The following UNC79 variants were observed in gnomAD, a reference collection of about 807,000 sequenced individuals.
UNC79 encodes unc-79 subunit of NALCN channel complex, also known as protein unc-79 homolog.
A neutral mutation model predicts 283.1 loss-of-function variants in UNC79; 37 were observed. The observed-to-expected ratio is 0.13, with a 90% CI of 0.10 to 0.17. UNC79 has a LOEUF of 0.17. Ranked by LOEUF, UNC79 falls within the 10% of genes least tolerant of loss-of-function variation. The pLI, the probability that UNC79 is intolerant of heterozygous loss-of-function variation, is 1.00. For synonymous variants in UNC79, 1,107 were observed against 1,200.2 expected, an observed-to-expected ratio of 0.92 and a Z score of 1.61; for missense variants, 2,272 against 3,211.1, an observed-to-expected ratio of 0.71 and a Z score of 7.07.
intron 1 of UNC79, among the ~76,000 whole-genome samples, chr14:93,357,043 T>C (rs2054100202): frequency 6.6e-6 from 1 of 152,208 alleles, no homozygotes; most frequent in Non-Finnish European, 1.5e-5. Context: ...CCAGTGTTTC[T>C]TGTTCCTTTG....
At chr14:93,455,807 T>G (rs1344528202) in intron 1 of UNC79, among the ~76,000 whole-genome samples, 1 of 152,192 alleles carries the variant, frequency 6.6e-6, no homozygotes, top group South Asian at 2.1e-4. Flanking sequence ...TTCATGACTT[T>G]ATCCACGTTC....
intron 1 of UNC79, among the ~76,000 whole-genome samples, chr14:93,377,888 T>TTC (rs1453732658): frequency 2.0e-5 from 3 of 152,196 alleles, no homozygotes; most frequent in Non-Finnish European, 2.9e-5. Flanking sequence ...ACATACAGCT[T>TTC]TCATAGCAGG....
chr14:93,595,789 T>A (rs114450994), intron 23 of UNC79, among the ~76,000 whole-genome samples: 2,968 of 152,284 alleles, frequency 0.019, 94 homozygotes, highest in African/African-American at 0.068. Flanking sequence ...AAAGTCATAT[T>A]TCAGCTATAG....
chr14:93,659,528 A>C (rs983514402), intron 39 of UNC79, among the ~76,000 whole-genome samples: 2 of 152,254 alleles, frequency 1.3e-5, no homozygotes, highest in Middle Eastern at 3.4e-3. Flanking sequence ...CGATCCTTCT[A>C]AACAGGATCT....
intron 40 of UNC79, among the ~76,000 whole-genome samples, chr14:93,664,911 C>A (rs1203531110): frequency 1.3e-5 from 2 of 152,028 alleles, no homozygotes; most frequent in African/African-American, 4.8e-5. Context: ...TCCTAATGAA[C>A]ATGAGCTCAT....
chr14:93,410,631 G>T (rs139685834), intron 1 of UNC79, among the ~76,000 whole-genome samples: 1 of 152,176 alleles, frequency 6.6e-6, no homozygotes, highest in African/African-American at 2.4e-5. Flanking sequence ...CTCAGCCACA[G>T]TAGAATAGGA....
chr14:93,652,718 A>C (rs1433565928), intron 35 of UNC79, among the ~76,000 whole-genome samples: 2 of 152,210 alleles, frequency 1.3e-5, no homozygotes, highest in Admixed American at 6.5e-5. Flanking sequence ...AATAAACTCT[A>C]CTTGGTCATG....
At position 93,563,567 on chromosome 14, in the gene UNC79, G is replaced by C. The variant is rs576112062; in HGVS notation, c.1756-8327G>C. On this transcript the variant is annotated intron_variant, in intron 14 of 48. Coordinates refer to ENST00000555664, the Ensembl canonical transcript of UNC79. The stretch of plus-strand genomic sequence containing the variant: ...TCGGCTTGCTGAGAGGTAGTGCAGC[G>C]GGGGCAGAGCAGTAGCCTCAATGAT... 5.3e-4 allele frequency among the ~76,000 whole-genome samples: 80 copies of C among 152,196 alleles called. No homozygotes were observed. The South Asian group carries it at 8.3e-3, about 16-fold the overall frequency.
intron 1 of UNC79, among the ~76,000 whole-genome samples, chr14:93,366,233 C>T (rs184957620): frequency 2.9e-4 from 44 of 152,302 alleles, no homozygotes; most frequent in Admixed American, 1.4e-3. Flanking sequence ...AGAAAATGTT[C>T]CTTCCCTTCC....
intron 41 of UNC79, among the ~76,000 whole-genome samples, chr14:93,677,726 T>C (rs2073467770): frequency 6.6e-6 from 1 of 152,138 alleles, no homozygotes. Context: ...CTCAGCTCAC[T>C]GCAACCTCCA....
At chr14:93,380,907 T>G (rs1350609023) in intron 1 of UNC79, among the ~76,000 whole-genome samples, 2 of 152,108 alleles carry the variant, frequency 1.3e-5, no homozygotes, top group Non-Finnish European at 2.9e-5. Context: ...AGTTTCTGAG[T>G]TTTTGAGAGC....
chr14:93,348,009 G>C, intron 1 of UNC79: 1 of 1,508,810 alleles, frequency 6.6e-7, no homozygotes, highest in Non-Finnish European at 9.2e-7. Context: ...TCAGCAGCGC[G>C]TGTCATCTTC....
chr14:93,474,059 G>T lies in UNC79; in HGVS notation c.144-30G>T. Reference sequence around the variant, plus strand: ...ATGTGCTGTTCTTTGTGTCTTTGTTGTCTCTTTTTTTTCTTTGTCCCCCCA... The same window carrying T: ...ATGTGCTGTTCTTTGTGTCTTTGTTTTCTCTTTTTTTTCTTTGTCCCCCCA... On this transcript the variant is annotated intron_variant, in intron 2 of 48. Transcript: ENST00000555664. This position sits in a 1 kb window ranked among gnomAD's most constrained non-coding sequence, Gnocchi z 4.1. The T allele has an allele frequency of 1.3e-6, 2 of 1,503,230 alleles. No individual in the cohort carries two copies. Among genetic ancestry groups the T allele is most frequent in the Non-Finnish European group, 1.8e-6 (2 of 1,128,956 alleles). The allele number at this position is 1,503,230 out of a possible 1,614,324, so 93.1% of individuals were successfully genotyped here. A position where few individuals can be genotyped will look rare whatever the true frequency, so the allele number is the denominator to read the frequency against.
chr14:93,646,723 T>C (rs1030851793), intron 35 of UNC79, 77 bp downstream of exon 38: 10 of 1,538,968 alleles, frequency 6.5e-6, no homozygotes, highest in Non-Finnish European at 8.9e-6. Context: ...AAAACACCAG[T>C]GTGGGGCTGG....
At chr14:93,414,361 G>T (rs796079387) in intron 1 of UNC79, among the ~76,000 whole-genome samples, 3 of 152,030 alleles carry the variant, frequency 2.0e-5, no homozygotes, top group East Asian at 3.9e-4. Context: ...ATTTCTGAGG[G>T]CTCTGTTCTG....
intron 1 of UNC79, among the ~76,000 whole-genome samples, chr14:93,402,443 G>GA (rs1158986352): frequency 6.7e-6 from 1 of 150,280 alleles, no homozygotes; most frequent in African/African-American, 2.5e-5. Context: ...GCATAAGGAG[G>GA]AAAAAATTAT....
At chr14:93,351,143 A>C (rs975368193) in intron 1 of UNC79, among the ~76,000 whole-genome samples, 1 of 152,212 alleles carries the variant, frequency 6.6e-6, no homozygotes, top group Admixed American at 6.5e-5. Context: ...ATTACACTGC[A>C]GGAAGTTTTC....
chr14:93,477,554 G>A lies in UNC79; in HGVS notation c.449-4G>A, dbSNP rs1267414981. 2 of 1,569,942 alleles carry A rather than the reference G, an allele frequency of 1.3e-6. No individual in the cohort carries two copies. Among genetic ancestry groups the A allele is most frequent in the African/African-American group, 2.7e-5 (2 of 73,532 alleles). On this transcript the variant is annotated splice_region_variant and splice_polypyrimidine_tract_variant and intron_variant, in intron 3 of 48. Transcript: ENST00000555664. ...GTGACTGATTACTCAATTTTGTTTT[G>A]TAGATCTTGGACAGTCGATATTTTA...
intron 10 of UNC79, among the ~76,000 whole-genome samples, chr14:93,532,027 T>A (rs185549345): frequency 4.0e-4 from 61 of 152,148 alleles, no homozygotes; most frequent in African/African-American, 1.3e-3. Flanking sequence ...TGAAAAGAGA[T>A]CTATTTCATG....
Sources: allele counts gnomAD v4.1 joint callset (sites outside exome capture counted in the v4.1 genomes callset), GRCh38; gene constraint gnomAD v4.1.1; non-coding constraint Gnocchi (gnomAD v3.1); transcripts MANE v1.5; gene names NCBI Gene and HGNC (gene_info 2026-07-23, HGNC 2026-07-21).